The following SLC22A25 variants were observed in gnomAD, a reference collection of about 807,000 sequenced individuals.
The protein encoded by SLC22A25 is solute carrier family 22 member 25.
SLC22A25 carries 44 observed loss-of-function variants against 45.9 expected under a neutral mutation model. The observed-to-expected ratio is 0.96, with a 90% CI of 0.75 to 1.23. SLC22A25 has a LOEUF of 1.23. Ranked by LOEUF, SLC22A25 falls within the 50% of genes most tolerant of loss-of-function variation. SLC22A25 has a pLI of 0.00. For missense variants in SLC22A25, 800 were observed against 666.4 expected, an observed-to-expected ratio of 1.20 and a Z score of -2.21; for synonymous variants, 283 against 238.6, an observed-to-expected ratio of 1.19 and a Z score of -1.72.
At chr11:63,241,031 A>C (rs934687711) in intron 1 of SLC22A25, among the ~76,000 whole-genome samples, 3 of 152,260 alleles carry the variant, frequency 2.0e-5, no homozygotes, top group African/African-American at 7.2e-5. Context: ...ATGCAGAAAC[A>C]ACATTCATGC....
chr11:63,208,883 C>T (rs2089481267), intron 7 of SLC22A25, among the ~76,000 whole-genome samples: 1 of 152,122 alleles, frequency 6.6e-6, no homozygotes, highest in Non-Finnish European at 1.5e-5. Context: ...CCAAAACTCC[C>T]ATAACAGGAC....
At chr11:63,205,855 A>T (rs1362197022) in intron 7 of SLC22A25, among the ~76,000 whole-genome samples, 1 of 152,038 alleles carries the variant, frequency 6.6e-6, no homozygotes, top group Non-Finnish European at 1.5e-5. Context: ...CAACAAAAAA[A>T]TTCAGGCCAA....
At chr11:63,186,378 T>C (rs2088545680) in intron 7 of SLC22A25, among the ~76,000 whole-genome samples, 1 of 151,422 alleles carries the variant, frequency 6.6e-6, no homozygotes, top group East Asian at 1.9e-4. Context: ...TTTGCCCACT[T>C]TTTGTTGGGA....
At chr11:63,184,162 G>A (rs1164579723) in intron 7 of SLC22A25, among the ~76,000 whole-genome samples, 6 of 152,072 alleles carry the variant, frequency 3.9e-5, no homozygotes, top group Non-Finnish European at 8.8e-5. Flanking sequence ...TATTCATAAT[G>A]TGTTCTTTTT....
intron 7 of SLC22A25, 105 bp downstream of exon 7, chr11:63,217,209 T>C (rs1590886982): frequency 3.1e-6 from 4 of 1,293,324 alleles, no homozygotes; most frequent in East Asian, 4.8e-5. Flanking sequence ...ATTAGGAGAA[T>C]GTACTCAAGG....
At chr11:63,184,745 G>A (rs947859275) in intron 7 of SLC22A25, among the ~76,000 whole-genome samples, 4 of 152,068 alleles carry the variant, frequency 2.6e-5, no homozygotes, top group African/African-American at 9.7e-5. Flanking sequence ...TCACAATTAA[G>A]GATATCTACT....
intron 5 of SLC22A25, among the ~76,000 whole-genome samples, chr11:63,225,786 T>G (rs1161944812): frequency 2.0e-5 from 3 of 152,140 alleles, no homozygotes; most frequent in Non-Finnish European, 4.4e-5. Context: ...TTGAGATGAT[T>G]TTCTAGATGT....
intron 7 of SLC22A25, among the ~76,000 whole-genome samples, chr11:63,189,124 T>A (rs1483902289): frequency 6.6e-6 from 1 of 152,210 alleles, no homozygotes; most frequent in African/African-American, 2.4e-5. Flanking sequence ...CTCATTGATC[T>A]GTCTAATGTT....
At chr11:63,182,568 C>T (rs1249330576) in intron 8 of SLC22A25, among the ~76,000 whole-genome samples, 1 of 151,690 alleles carries the variant, frequency 6.6e-6, no homozygotes. Context: ...TTCAACATTT[C>T]CTTTTTAAAA....
intron 7 of SLC22A25, among the ~76,000 whole-genome samples, chr11:63,196,043 A>G (rs765109863): frequency 1.3e-5 from 2 of 152,194 alleles, no homozygotes; most frequent in African/African-American, 4.8e-5. Context: ...CCCTCCCAAG[A>G]CTAAACCACG....
intron 9 of SLC22A25, among the ~76,000 whole-genome samples, chr11:63,173,613 A>T (rs2087971230): frequency 6.6e-6 from 1 of 152,136 alleles, no homozygotes; most frequent in Non-Finnish European, 1.5e-5. Flanking sequence ...TGCCTAGCAG[A>T]TTGGGTTTGT....
rs2089935017 is a variant in SLC22A25, at chr11:63,225,185, T to C, written c.506+3276A>G. On this transcript the variant is annotated intron_variant, in intron 5 of 11. Coordinates refer to ENST00000306494, the MANE Select transcript of SLC22A25 (RefSeq NM_199352.6). Reference sequence around the variant, plus strand: ...TTTATATGCCACAATTACAGTGTCATAATATCCTGTGATTTTCTGTGTATT... The same window carrying C: ...TTTATATGCCACAATTACAGTGTCACAATATCCTGTGATTTTCTGTGTATT... Among the ~76,000 whole-genome samples, 7 of 152,206 alleles carry C rather than the reference T, an allele frequency of 4.6e-5. No homozygotes were observed. In the South Asian group the frequency reaches 1.4e-3, roughly 31 times the overall value.
At chr11:63,207,924 AC>A (rs1346221837) in intron 7 of SLC22A25, among the ~76,000 whole-genome samples, 1 of 151,946 alleles carries the variant, frequency 6.6e-6, no homozygotes, top group Non-Finnish European at 1.5e-5. Context: ...CCCCTACCCC[AC>A]GAAATGCTTA....
chr11:63,229,662 A>G lies in SLC22A25; in HGVS notation c.-10T>C. 6.3e-7 allele frequency: 1 copy of G among 1,596,318 alleles called. No homozygotes were observed. Among genetic ancestry groups the G allele is most frequent in the African/African-American group, 1.3e-5 (1 of 74,652 alleles). On this transcript the variant is annotated 5_prime_UTR_variant, in exon 4 of 12. Transcript: ENST00000306494. ...GGTCCTGAAAGGCCATTGAGGCTGG[A>G]CAAGTGATCCCCAAGAGGAGACAAA... is the stretch of plus-strand genomic sequence containing the variant.
chr11:63,201,166 T>C (rs1048827753), intron 7 of SLC22A25, among the ~76,000 whole-genome samples: 6 of 151,970 alleles, frequency 3.9e-5, no homozygotes, highest in African/African-American at 1.5e-4. Context: ...AAAATACATA[T>C]GAAACCAAAA....
At chr11:63,236,058 G>A (rs943722221) in intron 3 of SLC22A25, among the ~76,000 whole-genome samples, 1 of 152,148 alleles carries the variant, frequency 6.6e-6, no homozygotes, top group African/African-American at 2.4e-5. Context: ...CCCCTAATGG[G>A]GGGTGCCTCC....
intron 7 of SLC22A25, among the ~76,000 whole-genome samples, chr11:63,184,477 C>T (rs1283540319): frequency 6.6e-6 from 1 of 152,114 alleles, no homozygotes; most frequent in Non-Finnish European, 1.5e-5. Flanking sequence ...CTCCACTGAA[C>T]TGATTTTGTT....
chr11:63,240,565 A>G (rs1041887633), intron 1 of SLC22A25, among the ~76,000 whole-genome samples: 2 of 152,208 alleles, frequency 1.3e-5, no homozygotes, highest in African/African-American at 4.8e-5. Flanking sequence ...ACTCTTTTGT[A>G]ATAACACTTA....
At chr11:63,164,328 A>G (rs2087605380) in intron 11 of SLC22A25, among the ~76,000 whole-genome samples, 198 bp downstream of exon 11, 1 of 152,224 alleles carries the variant, frequency 6.6e-6, no homozygotes, top group South Asian at 2.1e-4. Flanking sequence ...TACATGGGAT[A>G]CTGCATTAAA....
Sources: allele counts gnomAD v4.1 joint callset (sites outside exome capture counted in the v4.1 genomes callset), GRCh38; gene constraint gnomAD v4.1.1; transcripts MANE v1.5; gene names NCBI Gene and HGNC (gene_info 2026-07-23, HGNC 2026-07-21).